CABP7: variants seen among roughly 807,000 people sequenced by gnomAD.
CABP7 encodes the protein calcium binding protein 7.
Under a neutral mutation model 23.1 loss-of-function variants are expected in CABP7, and 13 were observed. That is an observed-to-expected ratio of 0.56 (90% confidence interval 0.37 to 0.90). The LOEUF (loss-of-function observed/expected upper bound fraction) is 0.90, where lower values mean the gene tolerates loss of function less well. Ranked by LOEUF, CABP7 falls within the 40% of genes least tolerant of loss-of-function variation. CABP7 has a pLI of 0.01. For missense variants in CABP7, 248 were observed against 295.6 expected (o/e 0.84, Z 1.18); for synonymous variants, 123 against 115.3 (o/e 1.07, Z -0.43).
Position 29,729,999 on chromosome 22 carries a change from CCAGGGCA to C in CABP7, c.*442_*448del, listed in dbSNP as rs910943754. 5.1e-5 allele frequency: 9 copies of C among 175,790 alleles called. No homozygotes were observed. The highest frequency in any genetic ancestry group is 2.1e-4 in the African/African-American group (9 of 41,874). The allele number at this position is 175,790 out of a possible 1,614,324, so 10.9% of individuals were successfully genotyped here. On this transcript the variant is annotated 3_prime_UTR_variant, in exon 5 of 5. Coordinates refer to ENST00000216144, the MANE Select transcript of CABP7 (RefSeq NM_182527.3). ...CCCAGCCCTGGTCCCTGAGGTCTGC[CCAGGGCA>C]CAGGGCACAGGCAGGGACAGAAAGC... is the stretch of plus-strand genomic sequence containing the variant.
At position 29,729,723 on chromosome 22, in the gene CABP7, CG is replaced by C; in HGVS notation, c.*156del. 2 of 949,344 alleles carry C rather than the reference CG, an allele frequency of 2.1e-6. No homozygotes were observed. The highest frequency in any genetic ancestry group is 3.4e-5 in the South Asian group (2 of 59,450). 58.8% of individuals were successfully genotyped at this position (949,344 alleles called of 1,614,324 possible). On this transcript the variant is annotated 3_prime_UTR_variant, in exon 5 of 5. Coordinates refer to ENST00000216144, the MANE Select transcript of CABP7 (RefSeq NM_182527.3). ...CCAGCGAGCCCTCCCCACCCACCCACGGTCCTCACCTGGAGCTGTGGCCTGG... is the reference window on the plus strand; with the variant it reads ...CCAGCGAGCCCTCCCCACCCACCCACGTCCTCACCTGGAGCTGTGGCCTGG...
In CABP7 at chr22:29,727,596, G is replaced by A; in HGVS notation, c.110-66G>A. 6.3e-7 allele frequency: 1 copy of A among 1,598,862 alleles called. No homozygotes were observed. Among genetic ancestry groups the A allele is most frequent in the Non-Finnish European group, 8.6e-7 (1 of 1,168,938 alleles). On this transcript the variant is annotated intron_variant, in intron 1 of 4. Coordinates refer to ENST00000216144, the MANE Select transcript of CABP7 (RefSeq NM_182527.3). The surrounding 1 kb of genome is among the most constrained non-coding windows in gnomAD (Gnocchi z 4.2). ...TCAGGCTGCAGGGTCGGTGATCCTGGGGGTCTGGAAAGGGGGTCTGTTGGG... is the reference window on the plus strand; with the variant it reads ...TCAGGCTGCAGGGTCGGTGATCCTGAGGGTCTGGAAAGGGGGTCTGTTGGG...
Position 29,727,554 on chromosome 22 carries a change from G to T in CABP7, c.110-108G>T, listed in dbSNP as rs2067804706. The T allele has an allele frequency of 5.7e-6, 8 of 1,391,992 alleles. No homozygotes were observed. In the East Asian group the frequency reaches 1.9e-4, roughly 32 times the overall value. The allele number at this position is 1,391,992 out of a possible 1,614,324, so 86.2% of individuals were successfully genotyped here. ...CACCAGATCTGCAGGCTCTGGGTTG[G>T]GCTCTCAAGGCCATGCTCAGGCTGC... On this transcript the variant is annotated intron_variant, in intron 1 of 4. Coordinates refer to ENST00000216144, the MANE Select transcript of CABP7 (RefSeq NM_182527.3). The surrounding 1 kb of genome is among the most constrained non-coding windows in gnomAD (Gnocchi z 4.2).
intron 1 of CABP7, among the ~76,000 whole-genome samples, chr22:29,721,843 T>G (rs2067764127): frequency 6.6e-6 from 1 of 152,140 alleles, no homozygotes; most frequent in Non-Finnish European, 1.5e-5. Flanking sequence ...GTCTGGGGTC[T>G]GATGCGGACA....
chr22:29,728,380 C>T (rs140094), intron 2 of CABP7, among the ~76,000 whole-genome samples: 54,097 of 151,996 alleles, frequency 0.36, 10,918 homozygotes, highest in East Asian at 0.62. Context: ...AGGAGGGTCA[C>T]GGCCCACCTG....
rs756087272 is a variant in CABP7 at position 29,731,692 on chromosome 22, T to C, written c.*2123T>C. On this transcript the variant is annotated 3_prime_UTR_variant, in exon 5 of 5. Transcript: ENST00000216144. Reference sequence around the variant, plus strand: ...CTGTGTAAGAATTAAGGCAGATTTATATGCACTGATGAGGAAAGACATACT... The same window carrying C: ...CTGTGTAAGAATTAAGGCAGATTTACATGCACTGATGAGGAAAGACATACT... 3 of 252,310 alleles carry C rather than the reference T, an allele frequency of 1.2e-5. No homozygotes were observed. The highest frequency in any genetic ancestry group is 2.2e-5 in the Non-Finnish European group (3 of 133,336). The allele number at this position is 252,310 out of a possible 1,614,324, so 15.6% of individuals were successfully genotyped here.
At chr22:29,721,249 C>T (rs2147204837) in intron 1 of CABP7, among the ~76,000 whole-genome samples, 1 of 152,322 alleles carries the variant, frequency 6.6e-6, no homozygotes, top group Non-Finnish European at 1.5e-5. Context: ...GCCTCTCAGA[C>T]TCGCAGGGGG....
At chr22:29,721,667 G>T (rs1462142641) in intron 1 of CABP7, among the ~76,000 whole-genome samples, 1 of 152,104 alleles carries the variant, frequency 6.6e-6, no homozygotes, top group Non-Finnish European at 1.5e-5. Context: ...CCTCAACCCA[G>T]GCCCAGGGTG....
In CABP7 at chr22:29,729,607, C is replaced by A. The variant is rs5997507; in HGVS notation, c.*38C>A. The A allele has an allele frequency of 1.1e-4, 174 of 1,599,460 alleles. 1 individual carries two copies. The highest frequency in any genetic ancestry group is 1.3e-4 in the Non-Finnish European group (156 of 1,177,630). ...TGCCCCATCCACCGCATGCGGTGCC[C>A]GTGGCCCGCCCCACACCACCGCCGC... On this transcript the variant is annotated 3_prime_UTR_variant, in exon 5 of 5. Transcript: ENST00000216144.
rs563687450 is a variant in CABP7, at chr22:29,729,653, C to G, written c.*84C>G. On this transcript the variant is annotated 3_prime_UTR_variant, in exon 5 of 5. Transcript: ENST00000216144. ...GCCGCCTGCAGACCTCTCCCTTGGC[C>G]GGCTCCCTGGGCCGCCATCTGCGTG... 63 of 1,545,932 alleles carry G rather than the reference C, an allele frequency of 4.1e-5. No homozygotes were observed. In the African/African-American group the frequency reaches 6.9e-4, roughly 17 times the overall value.
At chr22:29,722,374 C>A (rs2067767875) in intron 1 of CABP7, among the ~76,000 whole-genome samples, 1 of 152,234 alleles carries the variant, frequency 6.6e-6, no homozygotes. Flanking sequence ...CTGCGTTAGT[C>A]ACCAGCCACA....
Position 29,731,396 on chromosome 22 carries a change from C to T in CABP7, c.*1827C>T, listed in dbSNP as rs2067842536. 6.5e-7 allele frequency: 1 copy of T among 1,530,798 alleles called. No homozygotes were observed. The highest frequency in any genetic ancestry group is 8.7e-7 in the Non-Finnish European group (1 of 1,150,506). 94.8% of individuals were successfully genotyped at this position (1,530,798 alleles called of 1,614,324 possible). A position where few individuals can be genotyped will look rare whatever the true frequency, so the allele number is the denominator to read the frequency against. ...AAGCGGGGAGAATAAGAGTGCACTACAGCCCAGGCTTATGCCACCCCCAGC... is the reference window on the plus strand; with the variant it reads ...AAGCGGGGAGAATAAGAGTGCACTATAGCCCAGGCTTATGCCACCCCCAGC... On this transcript the variant is annotated 3_prime_UTR_variant, in exon 5 of 5. Coordinates refer to ENST00000216144, the MANE Select transcript of CABP7 (RefSeq NM_182527.3).
chr22:29,728,295 G>A (rs1043171199), intron 2 of CABP7, among the ~76,000 whole-genome samples: 3 of 152,330 alleles, frequency 2.0e-5, no homozygotes, highest in African/African-American at 7.2e-5. Flanking sequence ...TTCAGTTCCT[G>A]TCTATATGGT....
At position 29,728,660 on chromosome 22, in the gene CABP7, T is replaced by A; in HGVS notation, c.284T>A (p.Val95Glu). ...GGTCAAGTGGACTTTGAGGAGTTTG[T>A]GACCCTTCTGGGACCCAAACTCTCC... is the stretch of plus-strand genomic sequence containing the variant. ...GDGQVDFEEFVTLLGPKLSTS... is the reference protein window; with the variant it reads ...GDGQVDFEEFETLLGPKLSTS... Residue 95 changes from valine to glutamate, a missense_variant, in exon 3 of 5, where the codon GTG becomes GAG. Physicochemically the swap from Val to Glu is moderately radical, Grantham distance 121. Coordinates refer to ENST00000216144, the MANE Select transcript of CABP7 (RefSeq NM_182527.3). The A allele has an allele frequency of 6.2e-7, 1 of 1,613,516 alleles. No homozygotes were observed. Among genetic ancestry groups the A allele is most frequent in the Non-Finnish European group, 8.5e-7 (1 of 1,179,708 alleles).
At chr22:29,724,107 C>A in intron 1 of CABP7, among the ~76,000 whole-genome samples, 1 of 152,256 alleles carries the variant, frequency 6.6e-6, no homozygotes, top group Non-Finnish European at 1.5e-5. Context: ...GAAATGCACC[C>A]AGCTGTGGGG....
At position 29,731,204 on chromosome 22, in the gene CABP7, G is replaced by A; in HGVS notation, c.*1635G>A. On this transcript the variant is annotated 3_prime_UTR_variant, in exon 5 of 5. Transcript: ENST00000216144. ...CTGATGAGAAAAGTGACCACGTGGG[G>A]GTCAGTCGGGGGCAAGGGGCTCAGC... is the stretch of plus-strand genomic sequence containing the variant. 2 of 1,477,662 alleles carry A rather than the reference G, an allele frequency of 1.4e-6. No homozygotes were observed. Among genetic ancestry groups the A allele is most frequent in the Non-Finnish European group, 1.8e-6 (2 of 1,122,764 alleles). 91.5% of individuals were successfully genotyped at this position (1,477,662 alleles called of 1,614,324 possible).
At chr22:29,723,424 C>T (rs936851298) in intron 1 of CABP7, among the ~76,000 whole-genome samples, 3 of 152,190 alleles carry the variant, frequency 2.0e-5, no homozygotes, top group African/African-American at 7.2e-5. Context: ...CCTTTTCCAA[C>T]ATACACACAC....
rs924374030 is a variant in CABP7 at position 29,720,736 on chromosome 22, A to G, written c.109+203A>G. 2.0e-5 allele frequency among the ~76,000 whole-genome samples: 3 copies of G among 151,264 alleles called. No homozygotes were observed. Among genetic ancestry groups the G allele is most frequent in the Non-Finnish European group, 4.4e-5 (3 of 67,738 alleles). On this transcript the variant is annotated intron_variant, in intron 1 of 4. Transcript: ENST00000216144. This position sits in a 1 kb window ranked among gnomAD's most constrained non-coding sequence, Gnocchi z 5.2. ...CGCGGTGGGGGTCGCTCAGGCGGAG[A>G]GCGGCCCAGCCCCTGCCCGCGTGGT... is the stretch of plus-strand genomic sequence containing the variant.
chr22:29,721,048 G>A (rs556617898), intron 1 of CABP7, among the ~76,000 whole-genome samples: 9 of 152,252 alleles, frequency 5.9e-5, no homozygotes, highest in African/African-American at 2.2e-4. Flanking sequence ...GGCCGCCCCC[G>A]TCCCCACCTG....
Sources: allele counts gnomAD v4.1 joint callset (sites outside exome capture counted in the v4.1 genomes callset), GRCh38; gene constraint gnomAD v4.1.1; non-coding constraint Gnocchi (gnomAD v3.1); transcripts MANE v1.5; gene names NCBI Gene and HGNC (gene_info 2026-07-23, HGNC 2026-07-21).